Variants in ZSWIM5 observed in about 807,000 individuals in gnomAD.
The protein encoded by ZSWIM5 is zinc finger SWIM domain-containing protein 5.
ZSWIM5 carries 55 observed loss-of-function variants against 119.6 expected under a neutral mutation model. That is an observed-to-expected ratio of 0.46 (90% CI 0.37 to 0.58). The LOEUF (loss-of-function observed/expected upper bound fraction) is 0.58, where lower values mean the gene tolerates loss of function less well. Among genes scored for constraint, ZSWIM5 ranks in the 20% least tolerant of loss-of-function variants. ZSWIM5 has a pLI of 0.00. For missense variants in ZSWIM5, 1,193 were observed against 1,512.8 expected (o/e 0.79, Z 3.51); for synonymous variants, 537 against 606.9 (o/e 0.88, Z 1.69).
chr1:45,074,877 G>A (rs1645247326), intron 2 of ZSWIM5, among the ~76,000 whole-genome samples: 1 of 151,646 alleles, frequency 6.6e-6, no homozygotes, highest in Non-Finnish European at 1.5e-5. Flanking sequence ...TCTTAGTACT[G>A]CTTTTGCTGT....
At chr1:45,201,846 T>C (rs1325385836) in intron 1 of ZSWIM5, among the ~76,000 whole-genome samples, 2 of 152,176 alleles carry the variant, frequency 1.3e-5, no homozygotes, top group Admixed American at 1.3e-4. Context: ...ATCAGTTTAT[T>C]ATATGCACAA....
At chr1:45,027,541 C>T (rs574341685) in intron 11 of ZSWIM5, among the ~76,000 whole-genome samples, 4 of 151,864 alleles carry the variant, frequency 2.6e-5, no homozygotes, top group East Asian at 2.0e-4. Flanking sequence ...AGATTACAGG[C>T]GCCTGCCACC....
chr1:45,202,314 A>G lies in ZSWIM5; in HGVS notation c.595+3442T>C, dbSNP rs188991671. Among the ~76,000 whole-genome samples, 388 of 152,186 alleles carry G rather than the reference A, an allele frequency of 2.5e-3. 1 individual carries two copies. The highest frequency in any genetic ancestry group is 8.8e-3 in the African/African-American group (367 of 41,548). On this transcript the variant is annotated intron_variant, in intron 1 of 13. Transcript: ENST00000359600. ...ATACTTGTTACTGATAAATTTCATAAAAGTTATACTACAGAAAAATTTCAC... is the reference window on the plus strand; with the variant it reads ...ATACTTGTTACTGATAAATTTCATAGAAGTTATACTACAGAAAAATTTCAC...
intron 11 of ZSWIM5, among the ~76,000 whole-genome samples, chr1:45,024,222 G>A (rs1179090597): frequency 2.2e-5 from 3 of 135,128 alleles, no homozygotes; most frequent in East Asian, 2.2e-4. Context: ...CGGAGTCTCG[G>A]TCTTGTCGCC....
chr1:45,175,193 T>C (rs1051388362), intron 1 of ZSWIM5, among the ~76,000 whole-genome samples: 6 of 152,136 alleles, frequency 3.9e-5, no homozygotes, highest in East Asian at 1.9e-4. Flanking sequence ...TATTTCATCA[T>C]GATTAGATTC....
At chr1:45,082,019 T>C (rs1413619010) in intron 2 of ZSWIM5, among the ~76,000 whole-genome samples, 2 of 152,230 alleles carry the variant, frequency 1.3e-5, no homozygotes, top group Non-Finnish European at 2.9e-5. Context: ...TGTTGATCTG[T>C]GACCTTATCC....
chr1:45,188,914 C>G (rs889573131), intron 1 of ZSWIM5, among the ~76,000 whole-genome samples: 2 of 152,162 alleles, frequency 1.3e-5, no homozygotes, highest in African/African-American at 4.8e-5. Context: ...ACTGAAAAAC[C>G]ATTCACTACT....
intron 1 of ZSWIM5, among the ~76,000 whole-genome samples, chr1:45,116,872 C>T (rs1470341027): frequency 2.0e-5 from 3 of 152,138 alleles, no homozygotes; most frequent in Admixed American, 2.0e-4. Context: ...CACCCCTGTC[C>T]ATACCCATCT....
At chr1:45,022,021 CAAAA>C (rs111486389) in intron 11 of ZSWIM5, among the ~76,000 whole-genome samples, 1 of 138,832 alleles carries the variant, frequency 7.2e-6, no homozygotes, top group Non-Finnish European at 1.5e-5. Flanking sequence ...GACTCCGTCT[CAAAA>C]AAAAAAAAAT....
chr1:45,110,417 T>C (rs539727525), intron 1 of ZSWIM5, among the ~76,000 whole-genome samples: 5 of 152,216 alleles, frequency 3.3e-5, no homozygotes, highest in African/African-American at 9.6e-5. Flanking sequence ...AGTTCATCTA[T>C]AGTTCATGAA....
At chr1:45,092,602 C>T (rs949385014) in intron 1 of ZSWIM5, among the ~76,000 whole-genome samples, 9 of 150,018 alleles carry the variant, frequency 6.0e-5, no homozygotes, top group Non-Finnish European at 1.2e-4. Context: ...CGCACCTGGC[C>T]CGATGGTTAG....
intron 6 of ZSWIM5, among the ~76,000 whole-genome samples, chr1:45,042,800 G>A (rs966902659): frequency 6.6e-6 from 1 of 152,204 alleles, no homozygotes; most frequent in African/African-American, 2.4e-5. Flanking sequence ...ACTGCTTGGT[G>A]ACAAATGCAG....
intron 1 of ZSWIM5, among the ~76,000 whole-genome samples, chr1:45,132,540 C>T (rs1645663937): frequency 6.6e-6 from 1 of 152,062 alleles, no homozygotes; most frequent in African/African-American, 2.4e-5. Context: ...CACTGTGATT[C>T]AAGTTAAAAA....
At chr1:45,064,903 T>C (rs1194775298) in intron 2 of ZSWIM5, among the ~76,000 whole-genome samples, 1 of 152,220 alleles carries the variant, frequency 6.6e-6, no homozygotes, top group Non-Finnish European at 1.5e-5. Context: ...CTCATACCGC[T>C]GGATTCACTA....
intron 1 of ZSWIM5, among the ~76,000 whole-genome samples, chr1:45,154,687 G>T (rs1645817034): frequency 2.0e-5 from 3 of 152,074 alleles, no homozygotes; most frequent in African/African-American, 7.2e-5. Context: ...TTCGAGACCA[G>T]CCTGGCCAAC....
At chr1:45,054,537 G>A (rs1030552373) in intron 4 of ZSWIM5, among the ~76,000 whole-genome samples, 3 of 152,092 alleles carry the variant, frequency 2.0e-5, no homozygotes, top group South Asian at 2.1e-4. Context: ...AGCTGAGATC[G>A]CACCACTGCA....
intron 1 of ZSWIM5, among the ~76,000 whole-genome samples, chr1:45,180,823 G>A (rs972597279): frequency 6.6e-6 from 1 of 152,114 alleles, no homozygotes; most frequent in African/African-American, 2.4e-5. Context: ...CAGGCAAACA[G>A]GGTCTGGAGT....
intron 1 of ZSWIM5, among the ~76,000 whole-genome samples, chr1:45,127,480 G>C (rs1645628757): frequency 6.8e-6 from 1 of 147,314 alleles, no homozygotes; most frequent in African/African-American, 2.5e-5. Flanking sequence ...GTCTCATTCT[G>C]TCACCTAGGC....
At chr1:45,189,643 C>A (rs1646079580) in intron 1 of ZSWIM5, among the ~76,000 whole-genome samples, 1 of 152,050 alleles carries the variant, frequency 6.6e-6, no homozygotes, top group Non-Finnish European at 1.5e-5. Context: ...GCAGTCCCAG[C>A]CACTCGGGAG....
Sources: gnomAD v4.1 joint callset for allele counts (sites outside exome capture counted in the v4.1 genomes callset) on GRCh38, gnomAD v4.1.1 for gene constraint, MANE v1.5 for transcripts, NCBI Gene and HGNC (gene_info 2026-07-23, HGNC 2026-07-21) for gene names.